CLCN5: variants seen among roughly 807,000 people sequenced by gnomAD.
CLCN5 encodes the protein Cl-/H+ antiporter 5.
Under a neutral mutation model 54.0 loss-of-function variants are expected in CLCN5, and 17 were observed. The observed-to-expected ratio is 0.31, with a 90% CI of 0.22 to 0.47. The LOEUF (loss-of-function observed/expected upper bound fraction) is 0.47, where lower values mean the gene tolerates loss of function less well. CLCN5 is among the 20% of genes least tolerant of loss of function. The pLI, the probability that CLCN5 is intolerant of heterozygous loss-of-function variation, is 1.00. For missense variants in CLCN5, 448 were observed against 646.7 expected (o/e 0.69, Z 3.33); for synonymous variants, 222 against 233.0 (o/e 0.95, Z 0.43).
intron 3 of CLCN5, among the ~76,000 whole-genome samples, chrX:50,038,567 A>G (rs1260310345): frequency 8.9e-6 from 1 of 112,184 alleles, no homozygotes; most frequent in African/African-American, 3.2e-5. Context: ...CAAAATAATT[A>G]GCCTGTAATC....
chrX:50,085,836 GTTTGAA>G, intron 9 of CLCN5, 138 bp from the exon 10 acceptor site: 1 of 542,315 alleles, frequency 1.8e-6, no homozygotes, highest in Non-Finnish European at 3.2e-6. Flanking sequence ...AGCATACAGT[GTTTGAA>G]TTTTGTTTTT....
At chrX:50,088,135 A>G (rs1933957138) in intron 11 of CLCN5, among the ~76,000 whole-genome samples, 1 of 112,238 alleles carries the variant, frequency 8.9e-6, no homozygotes, top group Non-Finnish European at 1.9e-5. Context: ...GAGCATGGTT[A>G]TGAGCATTCC....
intron 3 of CLCN5, among the ~76,000 whole-genome samples, chrX:50,013,935 G>A (rs1362512574): frequency 8.9e-6 from 1 of 112,089 alleles, no homozygotes; most frequent in Non-Finnish European, 1.9e-5. Context: ...CTGAATTCCT[G>A]CTGTTTGGGA....
chrX:50,042,296 C>T lies in CLCN5; in HGVS notation c.17-20C>T. On this transcript the variant is annotated intron_variant, in intron 3 of 14. Transcript: ENST00000376091. ...CTTGAAGATCATTGTTATAAGCCTC[C>T]TATTTTTCTTTCTGCACAGGTGCCA... The T allele has an allele frequency of 2.0e-6, 2 of 1,005,721 alleles. No individual in the cohort carries two copies. Among genetic ancestry groups the T allele is most frequent in the East Asian group, 3.3e-5 (1 of 30,590 alleles). The allele number at this position is 1,005,721 out of a possible 1,213,427, so 82.9% of individuals were successfully genotyped here.
intron 4 of CLCN5, among the ~76,000 whole-genome samples, chrX:50,052,768 T>C (rs2147496748): frequency 8.9e-6 from 1 of 111,879 alleles, no homozygotes; most frequent in South Asian, 3.8e-4. Context: ...ACGATGATAG[T>C]TAATAATAAG....
intron 3 of CLCN5, among the ~76,000 whole-genome samples, chrX:49,956,936 G>A (rs1220700371): frequency 3.6e-5 from 4 of 111,599 alleles, no homozygotes; most frequent in Admixed American, 9.5e-5. Flanking sequence ...ACTTGGTCCT[G>A]TATAGGCAAT....
At position 49,941,375 on chromosome X, in the gene CLCN5, TTC is replaced by T. The variant is rs1241049596; in HGVS notation, c.16+16065_16+16066del. Among the ~76,000 whole-genome samples the T allele has an allele frequency of 2.7e-5, 3 of 111,414 alleles. No individual in the cohort carries two copies. In the Admixed American group the frequency reaches 2.9e-4, roughly 11 times the overall value. On this transcript the variant is annotated intron_variant, in intron 3 of 14. Transcript: ENST00000376091. ...ATGATAGCTATTATTATTGGTTCTT[TTC>T]TCTTTCTTGACCTCAGTCAACTCAG... is the stretch of plus-strand genomic sequence containing the variant.
At chrX:49,963,146 G>C (rs1376098020) in intron 3 of CLCN5, among the ~76,000 whole-genome samples, 10 of 112,050 alleles carry the variant, frequency 8.9e-5, no homozygotes, top group African/African-American at 2.9e-4. Flanking sequence ...ATGGGTGCGA[G>C]AATGAACAAG....
chrX:50,009,716 T>A (rs1557182170), intron 3 of CLCN5: 1 of 387,064 alleles, frequency 2.6e-6, no homozygotes, highest in South Asian at 2.3e-5. Flanking sequence ...CTGAGTCTTC[T>A]GCTCTGCTCT....
rs184897070 is a variant in CLCN5 at position 49,962,553 on chromosome X, C to T, written c.16+37239C>T. The stretch of plus-strand genomic sequence containing the variant: ...GAACTGATCCCTGCATTTCTTAGGC[C>T]TTCCTCAGAATCCTTCACCAGGAAC... On this transcript the variant is annotated intron_variant, in intron 3 of 14. Coordinates refer to ENST00000376091, the MANE Select transcript of CLCN5 (RefSeq NM_001127898.4). Among the ~76,000 whole-genome samples the T allele has an allele frequency of 8.9e-5, 10 of 111,736 alleles. No individual in the cohort carries two copies. The East Asian group carries it at 2.8e-3, about 32-fold the overall frequency.
At chrX:50,051,126 A>G (rs1337948669) in intron 4 of CLCN5, among the ~76,000 whole-genome samples, 1 of 112,040 alleles carries the variant, frequency 8.9e-6, no homozygotes, top group African/African-American at 3.2e-5. Context: ...TTCTCCTATG[A>G]TATCTTCCAG....
At chrX:50,031,463 G>C (rs112799774) in intron 3 of CLCN5, among the ~76,000 whole-genome samples, 8,181 of 110,695 alleles carry the variant, frequency 0.074, 750 homozygotes, top group African/African-American at 0.26. Context: ...GTGAGTTATT[G>C]AGACCCTTTT....
At chrX:49,994,806 C>T (rs1557179438) in intron 3 of CLCN5, among the ~76,000 whole-genome samples, 1 of 111,726 alleles carries the variant, frequency 9.0e-6, no homozygotes, top group Non-Finnish European at 1.9e-5. Flanking sequence ...AGCAGTTAAA[C>T]ACGATTGGGT....
intron 3 of CLCN5, among the ~76,000 whole-genome samples, chrX:49,934,067 C>A (rs1601951067): frequency 9.0e-6 from 1 of 110,645 alleles, no homozygotes; most frequent in Non-Finnish European, 1.9e-5. Context: ...TCAGTGCTGC[C>A]CAGCCCGCTC....
At chrX:49,944,805 C>G (rs1325492252) in intron 3 of CLCN5, among the ~76,000 whole-genome samples, 1 of 111,477 alleles carries the variant, frequency 9.0e-6, no homozygotes, top group East Asian at 2.8e-4. Flanking sequence ...ATTCGGTTTG[C>G]CAGTATTTTA....
At position 50,090,961 on chromosome X, in the gene CLCN5, G is replaced by GTA; in HGVS notation, c.2360+76_2360+77dup. ...CAGAGATAGAAAGAAGTAGAAAGAAGTAGAACCCAGTTTAAATGAACATTA... is the reference window on the plus strand; with the variant it reads ...CAGAGATAGAAAGAAGTAGAAAGAAGTATAGAACCCAGTTTAAATGAACATTA... On this transcript the variant is annotated intron_variant, in intron 14 of 14. Coordinates refer to ENST00000376091, the MANE Select transcript of CLCN5 (RefSeq NM_001127898.4). 5.8e-6 allele frequency: 5 copies of GTA among 865,886 alleles called. 1 individual carries two copies. The South Asian group carries it at 1.1e-4, about 18-fold the overall frequency. The allele number at this position is 865,886 out of a possible 1,213,427, so 71.4% of individuals were successfully genotyped here.
chrX:50,034,853 A>G (rs1569539154), intron 3 of CLCN5, among the ~76,000 whole-genome samples: 1 of 110,352 alleles, frequency 9.1e-6, no homozygotes, highest in Non-Finnish European at 1.9e-5. Context: ...AATCACCTAC[A>G]TTGAAATTGG....
chrX:50,066,648 G>A (rs782731669), intron 4 of CLCN5, among the ~76,000 whole-genome samples: 1 of 111,663 alleles, frequency 9.0e-6, no homozygotes, highest in Non-Finnish European at 1.9e-5. Context: ...ATTAAGACCT[G>A]CTTTAAAATA....
At chrX:50,034,137 C>T (rs1931873041) in intron 3 of CLCN5, among the ~76,000 whole-genome samples, 1 of 111,984 alleles carries the variant, frequency 8.9e-6, no homozygotes, top group African/African-American at 3.3e-5. Context: ...CATTTGATTT[C>T]CATTTCTCAA....
Sources: allele counts gnomAD v4.1 joint callset (sites outside exome capture counted in the v4.1 genomes callset), GRCh38; gene constraint gnomAD v4.1.1; transcripts MANE v1.5; gene names NCBI Gene and HGNC (gene_info 2026-07-23, HGNC 2026-07-21).